Variants in ANK2 observed in about 807,000 individuals in gnomAD.
ANK2 encodes ankyrin-2.
ANK2 carries 83 observed loss-of-function variants against 360.5 expected under a neutral mutation model. The ratio of observed to expected loss-of-function variants is 0.23; its 90% CI spans 0.19 to 0.28. The LOEUF (loss-of-function observed/expected upper bound fraction) is 0.28, where lower values mean the gene tolerates loss of function less well. Among genes scored for constraint, ANK2 ranks in the 10% least tolerant of loss-of-function variants. ANK2 has a pLI of 1.00. For missense variants in ANK2, 4,201 were observed against 4,795.7 expected, an observed-to-expected ratio of 0.88 and a Z score of 3.66; for synonymous variants, 1,740 against 1,759.5, an observed-to-expected ratio of 0.99 and a Z score of 0.28.
intron 1 of ANK2, among the ~76,000 whole-genome samples, chr4:112,870,059 C>T (rs546352370): frequency 3.4e-4 from 52 of 151,894 alleles, no homozygotes; most frequent in Middle Eastern, 3.4e-3. Context: ...AGTGCAGTGG[C>T]GAGTTCTGGG....
chr4:113,180,567 A>G (rs1179915498), intron 2 of ANK2, among the ~76,000 whole-genome samples: 1 of 152,234 alleles, frequency 6.6e-6, no homozygotes, highest in Non-Finnish European at 1.5e-5. Context: ...GCAATTTGGT[A>G]AAGTTACTAT....
At position 113,242,127 on chromosome 4, in the gene ANK2, T is replaced by A. The variant is rs2153573428; in HGVS notation, c.809T>A (p.Leu270Gln). 1.2e-6 allele frequency: 2 copies of A among 1,613,968 alleles called. No homozygotes were observed. The highest frequency in any genetic ancestry group is 1.7e-6 in the Non-Finnish European group (2 of 1,179,874). Reference sequence around the variant, plus strand: ...GTGGTGTAGAATGGAATCACTCCTCTGCATGTGGCTTCCAAAAGAGGAAAT... The same window carrying A: ...GTGGTGTAGAATGGAATCACTCCTCAGCATGTGGCTTCCAAAAGAGGAAAT... ...DFTARNGITP[L>Q]HVASKRGNTN... Residue 270 changes from leucine (L) to glutamine (Q), a missense_variant, in exon 9 of 46, where the codon CTG becomes CAG. Leu to Gln is a moderately radical substitution (Grantham distance 113, BLOSUM62 -2). This residue lies in a region of ANK2 where 122 missense variants were observed against 239.3 expected (regional missense o/e 0.51). Transcript: ENST00000357077.
intron 1 of ANK2, among the ~76,000 whole-genome samples, chr4:113,072,436 T>C (rs2077937425): frequency 6.6e-6 from 1 of 152,160 alleles, no homozygotes; most frequent in Non-Finnish European, 1.5e-5. Context: ...AGAGGGGCAA[T>C]GTTTTTTGAA....
rs150185903 is a variant in ANK2, at chr4:112,850,379, A to G, written c.-40+32115A>G. ...CATCCACCCATTCATCTCTCTGTCC[A>G]TTATATTTGTTCTGTTTCTCTGGAG... On this transcript the variant is annotated intron_variant, in intron 1 of 30. Transcript: ENST00000503271. Among the ~76,000 whole-genome samples the G allele has an allele frequency of 6.5e-3, 924 of 143,132 alleles. 11 individuals carry two copies. Among genetic ancestry groups the G allele is most frequent in the African/African-American group, 0.023 (856 of 37,830 alleles). 93.9% of individuals were successfully genotyped at this position (143,132 alleles called of 152,430 possible). A position where few individuals can be genotyped will look rare whatever the true frequency, so the allele number is the denominator to read the frequency against.
At chr4:112,982,373 C>T (rs756632206) in intron 2 of ANK2, among the ~76,000 whole-genome samples, 4 of 151,972 alleles carry the variant, frequency 2.6e-5, no homozygotes, top group East Asian at 3.9e-4. Flanking sequence ...ATCAAAAAGG[C>T]GGAGTAATGT....
intron 36 of ANK2, among the ~76,000 whole-genome samples, chr4:113,348,813 T>C (rs540983122): frequency 6.6e-6 from 1 of 152,246 alleles, no homozygotes; most frequent in Non-Finnish European, 1.5e-5. Flanking sequence ...ACTCTTAGGT[T>C]CTAGCATTTT....
intron 2 of ANK2, among the ~76,000 whole-genome samples, chr4:113,017,598 C>G (rs2056979217): frequency 6.6e-6 from 1 of 152,092 alleles, no homozygotes; most frequent in South Asian, 2.1e-4. Context: ...TTTTGGAAAC[C>G]CATATTATTT....
intron 1 of ANK2, among the ~76,000 whole-genome samples, chr4:113,084,596 C>T (rs2083745293): frequency 6.6e-6 from 1 of 152,000 alleles, no homozygotes; most frequent in Non-Finnish European, 1.5e-5. Flanking sequence ...CCTGTTTTTC[C>T]CTCTGGAAAG....
At chr4:113,228,876 C>A (rs56306776) in intron 4 of ANK2, among the ~76,000 whole-genome samples, 1 of 151,986 alleles carries the variant, frequency 6.6e-6, no homozygotes, top group African/African-American at 2.4e-5. Flanking sequence ...GTATCTCCTA[C>A]TTTGATGGGT....
chr4:112,752,274 T>C, the ANK2 span, among the ~76,000 whole-genome samples: 1 of 152,238 alleles, frequency 6.6e-6, no homozygotes, highest in African/African-American at 2.4e-5. Context: ...TAGATGCCTG[T>C]GCAGGGCAAG....
chr4:113,035,579 C>G (rs1561631959), intron 2 of ANK2, among the ~76,000 whole-genome samples: 1 of 151,810 alleles, frequency 6.6e-6, no homozygotes, highest in Non-Finnish European at 1.5e-5. Context: ...TGCTTGAAGG[C>G]AGGAATGTGT....
chr4:112,855,721 G>T lies in ANK2; in HGVS notation c.-40+37457G>T, dbSNP rs756761776. On this transcript the variant is annotated intron_variant, in intron 1 of 30. Coordinates refer to the ANK2 transcript ENST00000503271. ...AGGAAGGTTAAGTGACTTATCCAAG[G>T]TCTCACATCTGGAGAGTGACAGAGC... Among the ~76,000 whole-genome samples the T allele has an allele frequency of 3.3e-5, 5 of 152,110 alleles. 1 individual carries two copies. In the South Asian group the frequency reaches 1.0e-3, roughly 32 times the overall value.
Position 113,142,611 on chromosome 4 carries a change from G to A in ANK2, c.85-31805G>A, listed in dbSNP as rs919431853. On this transcript the variant is annotated intron_variant, in intron 1 of 45. Transcript: ENST00000357077. ...CACTAAGCTTTAGCAGTGGGGTTCA[G>A]GGATCACTACATGGCATATTTGGGA... Among the ~76,000 whole-genome samples the A allele has an allele frequency of 4.6e-5, 7 of 152,042 alleles. 1 individual carries two copies. Among genetic ancestry groups the A allele is most frequent in the Admixed American group, 3.9e-4 (6 of 15,254 alleles).
At chr4:112,894,395 C>T (rs1475645775) in intron 1 of ANK2, among the ~76,000 whole-genome samples, 3 of 152,152 alleles carry the variant, frequency 2.0e-5, no homozygotes, top group Non-Finnish European at 4.4e-5. Context: ...TTTGGTGTTA[C>T]ATACGGATAT....
chr4:112,719,052 A>C, the ANK2 span, among the ~76,000 whole-genome samples: 1 of 152,270 alleles, frequency 6.6e-6, no homozygotes, highest in Non-Finnish European at 1.5e-5. Context: ...TCTGAAATAA[A>C]GATGCTTATA....
At chr4:112,957,097 G>A (rs906135361) in intron 2 of ANK2, among the ~76,000 whole-genome samples, 14 of 149,380 alleles carry the variant, frequency 9.4e-5, no homozygotes, top group Non-Finnish European at 1.6e-4. Flanking sequence ...CAATAGTGGA[G>A]GGAAGGTCAG....
At chr4:112,994,945 T>C (rs2048047174) in intron 2 of ANK2, among the ~76,000 whole-genome samples, 1 of 152,234 alleles carries the variant, frequency 6.6e-6, no homozygotes, top group Non-Finnish European at 1.5e-5. Flanking sequence ...TCATTCCTTT[T>C]TTATGGCTGC....
At chr4:113,049,505 G>T (rs2065952984), upstream of ANK2, 2 of 780,780 alleles carry the variant, frequency 2.6e-6, no homozygotes, top group African/African-American at 1.8e-5. Flanking sequence ...CATTGTAACC[G>T]GTTCCTGATG....
At chr4:113,329,508 C>T (rs2091701060) in intron 26 of ANK2, among the ~76,000 whole-genome samples, 1 of 152,096 alleles carries the variant, frequency 6.6e-6, no homozygotes, top group Non-Finnish European at 1.5e-5. Context: ...ACAGATGATA[C>T]AGATATCTTC....
Sources: allele counts gnomAD v4.1 joint callset (sites outside exome capture counted in the v4.1 genomes callset), GRCh38; gene constraint gnomAD v4.1.1; regional missense constraint gnomAD v4.1.1; transcripts MANE v1.5; gene names NCBI Gene and HGNC (gene_info 2026-07-23, HGNC 2026-07-21).